Variants in SHBG observed in about 807,000 individuals in gnomAD.
The protein encoded by SHBG is sex hormone-binding globulin.
In SHBG, 37 loss-of-function variants were observed where a neutral mutation model predicts 41.9. The observed-to-expected ratio is 0.88, with a 90% CI of 0.68 to 1.16. The LOEUF is 1.16. Among genes scored for constraint, SHBG ranks in the 50% most tolerant of loss-of-function variants. The pLI is 0.00. For missense variants in SHBG, 466 were observed against 499.9 expected (o/e 0.93, Z 0.65); for synonymous variants, 217 against 205.8 (o/e 1.05, Z -0.47).
At chr17:7,615,985 G>A (rs2071978016) in intron 1 of SHBG, among the ~76,000 whole-genome samples, 1 of 151,750 alleles carries the variant, frequency 6.6e-6, no homozygotes, top group Non-Finnish European at 1.5e-5. Flanking sequence ...CCTCAACAGG[G>A]CGAAACCCTG....
chr17:7,630,090 C>T, upstream of SHBG: 1 of 1,189,996 alleles, frequency 8.4e-7, no homozygotes, highest in South Asian at 1.2e-5. The surrounding 1 kb of genome is among the most constrained non-coding windows in gnomAD (Gnocchi z 4.6). Context: ...ACCTTTAACC[C>T]TCCACCGCCC....
At chr17:7,627,256 T>C (rs1171080597), upstream of SHBG, 7 of 1,613,484 alleles carry the variant, frequency 4.3e-6, no homozygotes, top group Non-Finnish European at 5.9e-6. The surrounding 1 kb of genome is among the most constrained non-coding windows in gnomAD (Gnocchi z 4.8). Context: ...GACAAAGAGA[T>C]AGAGAAAGAG....
chr17:7,630,612 C>T lies in SHBG; in HGVS notation c.204-68C>T. On this transcript the variant is annotated intron_variant, in intron 2 of 7. Transcript: ENST00000380450. This position sits in a 1 kb window ranked among gnomAD's most constrained non-coding sequence, Gnocchi z 4.6. ...CTTTCCTTATCTGTGAACACCATCT[C>T]CCCCAAACCCACACTGGTTCTCAAA... 6.5e-7 allele frequency: 1 copy of T among 1,541,146 alleles called. No individual in the cohort carries two copies. Among genetic ancestry groups the T allele is most frequent in the Non-Finnish European group, 9.0e-7 (1 of 1,115,830 alleles).
At chr17:7,621,597 C>T (rs1346546831) in intron 1 of SHBG, among the ~76,000 whole-genome samples, 2 of 70,362 alleles carry the variant, frequency 2.8e-5, no homozygotes, top group Non-Finnish European at 6.9e-5. Flanking sequence ...AGCGAGTCTC[C>T]GTCTAAAAAA....
At chr17:7,627,959 G>T (rs1418544268), upstream of SHBG, 1 of 531,292 alleles carries the variant, frequency 1.9e-6, no homozygotes, top group Non-Finnish European at 3.6e-6. This position sits in a 1 kb window ranked among gnomAD's most constrained non-coding sequence, Gnocchi z 4.8. Flanking sequence ...ACCCCCGACA[G>T]CTGGATCTTG....
chr17:7,620,293 T>C (rs2072067642), intron 1 of SHBG, among the ~76,000 whole-genome samples: 1 of 152,048 alleles, frequency 6.6e-6, no homozygotes, highest in African/African-American at 2.4e-5. Flanking sequence ...TAGTGAGACC[T>C]AGTCTCCAAT....
At chr17:7,633,106 T>C in intron 7 of SHBG, 98 bp from the exon 8 acceptor site, 1 of 1,501,116 alleles carries the variant, frequency 6.7e-7, no homozygotes, top group Non-Finnish European at 9.3e-7. Flanking sequence ...GGTAGTGCTT[T>C]TGCAAACTCA....
At chr17:7,626,443 G>A (rs770924377), upstream of SHBG, 96 of 1,613,758 alleles carry the variant, frequency 5.9e-5, no homozygotes, top group Non-Finnish European at 7.9e-5. Context: ...TCCTAGGGAT[G>A]GCGTCACTTT....
At chr17:7,627,216 T>C (rs2072240444), upstream of SHBG, 1 of 1,614,150 alleles carries the variant, frequency 6.2e-7, no homozygotes, top group East Asian at 2.2e-5. This position sits in a 1 kb window ranked among gnomAD's most constrained non-coding sequence, Gnocchi z 4.8. Flanking sequence ...CAAAGCCATC[T>C]GCTCTCAGGG....
At chr17:7,625,720 G>A (rs758958960), upstream of SHBG, among the ~76,000 whole-genome samples, 27 of 151,824 alleles carry the variant, frequency 1.8e-4, no homozygotes, top group Admixed American at 1.1e-3. Context: ...GTGAAACCCC[G>A]TCTCTACTAA....
At chr17:7,627,374 A>T, upstream of SHBG, 2 of 1,614,070 alleles carry the variant, frequency 1.2e-6, no homozygotes, top group South Asian at 2.2e-5. The surrounding 1 kb of genome is among the most constrained non-coding windows in gnomAD (Gnocchi z 4.8). Flanking sequence ...TTCTTCACTG[A>T]TCTTCACCTG....
chr17:7,618,821 G>C (rs552522860), intron 1 of SHBG, among the ~76,000 whole-genome samples: 1 of 152,146 alleles, frequency 6.6e-6, no homozygotes, highest in East Asian at 1.9e-4. Flanking sequence ...TCCCAATTGC[G>C]CAGCCTCAAG....
chr17:7,632,209 C>G (rs894645319), intron 6 of SHBG, among the ~76,000 whole-genome samples, 194 bp downstream of exon 6: 1 of 151,714 alleles, frequency 6.6e-6, no homozygotes. Flanking sequence ...GTGCTGGAGG[C>G]CAAGACCAGA....
Position 7,630,232 on chromosome 17 carries a change from A to G in SHBG, c.60A>G (p.Leu20=), listed in dbSNP as rs2072354916. ...TGCTGCTGTTGCTGCTGTTGCTACT[A>G]CTGCGTCACACCCGCCAGGGATGGG... is the stretch of plus-strand genomic sequence containing the variant. ...SRLLLLLLLL[L]LRHTRQGWAL... is the part of the protein sequence containing the mutation. The change falls in exon 1 of 8, where the codon CTA becomes CTG. Residue 20 remains leucine (L), a synonymous_variant. Transcript: ENST00000380450. The surrounding 1 kb of genome is among the most constrained non-coding windows in gnomAD (Gnocchi z 4.6). The G allele has an allele frequency of 1.9e-6, 3 of 1,611,630 alleles. No individual in the cohort carries two copies. In the South Asian group the frequency reaches 3.3e-5, roughly 18 times the overall value.
intron 1 of SHBG, among the ~76,000 whole-genome samples, chr17:7,617,277 GA>G (rs2072010518): frequency 6.6e-6 from 1 of 151,872 alleles, no homozygotes; most frequent in Non-Finnish European, 1.5e-5. Flanking sequence ...AAAGACACTG[GA>G]AAAATTATTA....
chr17:7,622,856 C>T (rs1172516080), intron 1 of SHBG, among the ~76,000 whole-genome samples: 22 of 146,382 alleles, frequency 1.5e-4, no homozygotes, highest in African/African-American at 4.5e-4. Context: ...AGTGAAACCC[C>T]GTCTCAACTA....
upstream of SHBG, chr17:7,627,753 G>C (rs774242545): frequency 8.8e-7 from 1 of 1,136,082 alleles, no homozygotes; most frequent in East Asian, 2.5e-5. This position sits in a 1 kb window ranked among gnomAD's most constrained non-coding sequence, Gnocchi z 4.8. Context: ...GGCGGGAGTC[G>C]GGGGGGACGG....
At chr17:7,631,820 C>T in intron 5 of SHBG, 59 bp from the exon 6 acceptor site, 1 of 1,613,066 alleles carries the variant, frequency 6.2e-7, no homozygotes, top group Non-Finnish European at 8.5e-7. Context: ...CTACCACTGG[C>T]CCCTTTCCTC....
chr17:7,629,335 G>A (rs919182884), upstream of SHBG, among the ~76,000 whole-genome samples: 4 of 151,938 alleles, frequency 2.6e-5, no homozygotes, highest in African/African-American at 7.2e-5. Context: ...CCGAGATCAC[G>A]CCACTGCACT....
Sources: allele counts gnomAD v4.1 joint callset (sites outside exome capture counted in the v4.1 genomes callset), GRCh38; gene constraint gnomAD v4.1.1; non-coding constraint Gnocchi (gnomAD v3.1); transcripts MANE v1.5; gene names NCBI Gene and HGNC (gene_info 2026-07-23, HGNC 2026-07-21).